The following C2orf49 variants were observed in gnomAD, a reference collection of about 807,000 sequenced individuals.
C2orf49 encodes the protein tRNA-splicing ligase complex subunit ASW.
C2orf49 carries 11 observed loss-of-function variants against 20.6 expected under a neutral mutation model. That is an observed-to-expected ratio of 0.53 (90% CI 0.34 to 0.88). C2orf49 has a LOEUF of 0.88. Among genes scored for constraint, C2orf49 ranks in the 40% least tolerant of loss-of-function variants. C2orf49 has a pLI of 0.02. For synonymous variants in C2orf49, 134 were observed against 108.5 expected (o/e 1.24, Z -1.46); for missense variants, 289 against 274.2 (o/e 1.05, Z -0.38).
chr2:105,377,835 G>A, the C2orf49 span: 5 of 346,768 alleles, frequency 1.4e-5, no homozygotes, highest in Non-Finnish European at 1.7e-5. Flanking sequence ...CCAGGGAGAG[G>A]GGAGGAGATC....
chr2:105,383,639 T>C, the C2orf49 span, among the ~76,000 whole-genome samples: 1 of 152,196 alleles, frequency 6.6e-6, no homozygotes, highest in Non-Finnish European at 1.5e-5. Flanking sequence ...CTGTGCTATT[T>C]TAAGAGAAGA....
the C2orf49 span, chr2:105,367,858 C>G: frequency 2.1e-6 from 2 of 957,782 alleles, no homozygotes; most frequent in South Asian, 1.7e-5. Context: ...GCCACTTCAG[C>G]TCTTGAAGGC....
chr2:105,337,745 C>T (rs1393390949), intron 1 of C2orf49, 59 bp downstream of exon 1: 4 of 1,442,922 alleles, frequency 2.8e-6, no homozygotes, highest in African/African-American at 1.4e-5. Context: ...GGCGCTTGCA[C>T]CCGAGCTTGC....
At chr2:105,376,403 A>G in the C2orf49 span, 1 of 152,348 alleles carries the variant, frequency 6.6e-6, no homozygotes, top group Admixed American at 6.5e-5. Context: ...ACTTTCTAGA[A>G]CATATTTTGT....
intron 2 of C2orf49, among the ~76,000 whole-genome samples, chr2:105,342,247 CAAAT>C (rs1679691375): frequency 6.6e-6 from 1 of 152,180 alleles, no homozygotes; most frequent in Non-Finnish European, 1.5e-5. Flanking sequence ...AAGTAATAAA[CAAAT>C]GAATGCTTTC....
rs1453301385 is a variant in C2orf49, at chr2:105,349,151, T to A, written c.*3780T>A. On this transcript the variant is annotated 3_prime_UTR_variant, in exon 4 of 4. Transcript: ENST00000258457. ...TCTGAAAAAAAGTTAATTTCTAAACTGCTATCTTAATATTATTATATTTGG... is the reference window on the plus strand; with the variant it reads ...TCTGAAAAAAAGTTAATTTCTAAACAGCTATCTTAATATTATTATATTTGG... 1 of 152,262 alleles carries A rather than the reference T, an allele frequency of 6.6e-6. No individual in the cohort carries two copies. Among genetic ancestry groups the A allele is most frequent in the Non-Finnish European group, 1.5e-5 (1 of 68,044 alleles). The allele number at this position is 152,262 out of a possible 1,614,324, so 9.4% of individuals were successfully genotyped here.
downstream of C2orf49, among the ~76,000 whole-genome samples, chr2:105,352,979 T>G (rs747714143): frequency 1.3e-5 from 2 of 152,064 alleles, no homozygotes; most frequent in African/African-American, 4.8e-5. Context: ...TACCACAGAT[T>G]AGGTAATTGA....
chr2:105,373,677 G>T, the C2orf49 span: 1 of 1,614,196 alleles, frequency 6.2e-7, no homozygotes, highest in Non-Finnish European at 8.5e-7. Flanking sequence ...GTGAGTTTCT[G>T]CACTGCGAGC....
the C2orf49 span, among the ~76,000 whole-genome samples, chr2:105,356,768 T>C: frequency 6.6e-6 from 1 of 152,196 alleles, no homozygotes; most frequent in African/African-American, 2.4e-5. Flanking sequence ...ATAGCTATAT[T>C]ATTTTACATC....
chr2:105,352,470 A>G (rs866259316), downstream of C2orf49, among the ~76,000 whole-genome samples: 89 of 90,844 alleles, frequency 9.8e-4, no homozygotes, highest in African/African-American at 3.6e-3. Flanking sequence ...TTTGAGATGG[A>G]GTCTTGCTCT....
chr2:105,353,103 A>C (rs1052365099), downstream of C2orf49, among the ~76,000 whole-genome samples: 33 of 152,222 alleles, frequency 2.2e-4, no homozygotes, highest in Admixed American at 2.2e-3. Flanking sequence ...TATGCAAAGC[A>C]CAGAAGAACT....
the C2orf49 span, among the ~76,000 whole-genome samples, chr2:105,362,872 A>T: frequency 6.6e-6 from 1 of 152,230 alleles, no homozygotes; most frequent in Non-Finnish European, 1.5e-5. Flanking sequence ...TTGTGGTAGA[A>T]GTTTCCCATT....
intron 2 of C2orf49, among the ~76,000 whole-genome samples, chr2:105,342,064 C>T (rs1209122055): frequency 6.6e-6 from 1 of 152,144 alleles, no homozygotes; most frequent in Non-Finnish European, 1.5e-5. Context: ...CCCAGCTATT[C>T]GGGAGGCTGA....
chr2:105,376,378 G>A, the C2orf49 span: 10 of 152,264 alleles, frequency 6.6e-5, no homozygotes, highest in African/African-American at 2.2e-4. Context: ...ATCCAGAAAC[G>A]ACCAAACTCT....
At position 105,337,699 on chromosome 2, in the gene C2orf49, GGAT is replaced by G; in HGVS notation, c.99+14_99+16del. ...CACTCTGGAGCAGGTTGGGCGCGCC[GGAT>G]CGGAGGGTGGGCGGGTGGGCCTTCC... On this transcript the variant is annotated intron_variant, in intron 1 of 3. Coordinates refer to ENST00000258457, the MANE Select transcript of C2orf49 (RefSeq NM_024093.3). 4.8e-6 allele frequency: 5 copies of G among 1,050,550 alleles called. No homozygotes were observed. Among genetic ancestry groups the G allele is most frequent in the Non-Finnish European group, 6.7e-6 (5 of 749,026 alleles). 65.1% of individuals were successfully genotyped at this position (1,050,550 alleles called of 1,614,324 possible).
downstream of C2orf49, among the ~76,000 whole-genome samples, chr2:105,353,414 T>G (rs752958930): frequency 5.9e-5 from 9 of 152,218 alleles, no homozygotes; most frequent in Non-Finnish European, 1.3e-4. Flanking sequence ...GTCTCAATTT[T>G]TTTTTCTTTT....
chr2:105,370,167 G>A, the C2orf49 span, among the ~76,000 whole-genome samples: 2 of 152,230 alleles, frequency 1.3e-5, no homozygotes, highest in South Asian at 2.1e-4. Context: ...GAGCCCAGGA[G>A]TTGGCGACCA....
Position 105,343,031 on chromosome 2 carries a change from AC to A in C2orf49, c.454del (p.Leu152Ter). ...TATCAAATTCCTCTTCGAGTGTTTC[AC>A]CCCTAATTTTGTCTTCCAATTTGCC... ...KLSNSSSSVS[P>X]LILSSNLPVN... On this transcript the variant is annotated frameshift_variant, in exon 3 of 4. Transcript: ENST00000258457. LOFTEE classifies it high-confidence loss of function. 6.2e-7 allele frequency: 1 copy of A among 1,614,152 alleles called. No homozygotes were observed. The highest frequency in any genetic ancestry group is 8.5e-7 in the Non-Finnish European group (1 of 1,180,034).
the C2orf49 span, chr2:105,373,486 CA>C: frequency 2.0e-6 from 3 of 1,535,760 alleles, no homozygotes; most frequent in African/African-American, 1.4e-5. Flanking sequence ...TCAATGTGAA[CA>C]GGGGGTCAGA....
Sources: allele counts gnomAD v4.1 joint callset (sites outside exome capture counted in the v4.1 genomes callset), GRCh38; gene constraint gnomAD v4.1.1; transcripts MANE v1.5; gene names NCBI Gene and HGNC (gene_info 2026-07-23, HGNC 2026-07-21).